The following GABBR2 variants were observed in gnomAD, a reference collection of about 807,000 sequenced individuals.
GABBR2 encodes the protein gamma-aminobutyric acid type B receptor subunit 2, also known as G-protein coupled receptor 51.
In GABBR2, 23 loss-of-function variants were observed where a neutral mutation model predicts 105.6. That is an observed-to-expected ratio of 0.22 (90% CI 0.16 to 0.31). The LOEUF (loss-of-function observed/expected upper bound fraction) is 0.31, where lower values mean the gene tolerates loss of function less well. Ranked by LOEUF, GABBR2 falls within the 10% of genes least tolerant of loss-of-function variation. The pLI, the probability that GABBR2 is intolerant of heterozygous loss-of-function variation, is 1.00. For synonymous variants in GABBR2, 478 were observed against 499.7 expected, an observed-to-expected ratio of 0.96 and a Z score of 0.58; for missense variants, 734 against 1,245.5, an observed-to-expected ratio of 0.59 and a Z score of 6.18.
Position 98,596,678 on chromosome 9 carries a change from G to A in GABBR2, c.322-18606C>T, listed in dbSNP as rs573724051. On this transcript the variant is annotated intron_variant, in intron 1 of 18. Transcript: ENST00000259455. ...ATTTCTCACTATTTTGGGCCAATCT[G>A]TTGACATGACAACCAGGCTTTTAGA... Among the ~76,000 whole-genome samples the A allele has an allele frequency of 1.6e-4, 25 of 152,276 alleles. No homozygotes were observed. The East Asian group carries it at 4.8e-3, about 29-fold the overall frequency.
chr9:98,617,203 A>G (rs1006625286), intron 1 of GABBR2, among the ~76,000 whole-genome samples: 4 of 152,226 alleles, frequency 2.6e-5, no homozygotes, highest in African/African-American at 7.2e-5. Flanking sequence ...ATGTTAAACT[A>G]TGCCACAAAC....
chr9:98,439,938 G>C (rs1826001357), intron 7 of GABBR2, among the ~76,000 whole-genome samples: 1 of 152,186 alleles, frequency 6.6e-6, no homozygotes, highest in South Asian at 2.1e-4. Flanking sequence ...GGTAACTGGG[G>C]GGCTTGCCCA....
chr9:98,327,278 A>G (rs550247969), intron 13 of GABBR2, among the ~76,000 whole-genome samples: 17 of 152,226 alleles, frequency 1.1e-4, no homozygotes, highest in Admixed American at 2.6e-4. Context: ...GGCTTCCTCA[A>G]ACCTCTGCCT....
intron 3 of GABBR2, among the ~76,000 whole-genome samples, chr9:98,519,530 G>A (rs947341846): frequency 7.9e-5 from 12 of 152,334 alleles, no homozygotes; most frequent in Middle Eastern, 3.4e-3. Flanking sequence ...CACTCCTTGC[G>A]GGCATGGGTG....
chr9:98,455,951 T>A (rs1402065821), intron 6 of GABBR2, among the ~76,000 whole-genome samples: 1 of 152,152 alleles, frequency 6.6e-6, no homozygotes, highest in African/African-American at 2.4e-5. Flanking sequence ...GCAGCTTTCC[T>A]TGGAAATGCA....
At chr9:98,422,832 A>G (rs945054650) in intron 7 of GABBR2, among the ~76,000 whole-genome samples, 3 of 145,992 alleles carry the variant, frequency 2.1e-5, no homozygotes, top group Non-Finnish European at 4.4e-5. Flanking sequence ...TCACTGTTCA[A>G]TTCCCATCTA....
intron 13 of GABBR2, among the ~76,000 whole-genome samples, chr9:98,317,217 G>A (rs115785098): frequency 2.0e-5 from 3 of 152,338 alleles, no homozygotes; most frequent in South Asian, 2.1e-4. Context: ...AGGCCACACC[G>A]GTTTGGGACG....
intron 7 of GABBR2, among the ~76,000 whole-genome samples, chr9:98,446,581 T>G (rs1268819717): frequency 6.6e-6 from 1 of 151,964 alleles, no homozygotes; most frequent in Non-Finnish European, 1.5e-5. Flanking sequence ...GAGATTAGAG[T>G]CTCAAATCAG....
intron 7 of GABBR2, among the ~76,000 whole-genome samples, chr9:98,412,798 C>T (rs565543722): frequency 2.0e-5 from 3 of 152,170 alleles, no homozygotes; most frequent in Admixed American, 6.5e-5. Flanking sequence ...ACCCCCATTC[C>T]GGAGAGAGCC....
intron 1 of GABBR2, among the ~76,000 whole-genome samples, chr9:98,657,198 T>C (rs1207511688): frequency 6.6e-6 from 1 of 152,238 alleles, no homozygotes; most frequent in African/African-American, 2.4e-5. Context: ...GCCCCATCTT[T>C]AGGGCTTTAC....
chr9:98,330,127 A>G (rs1215823224), intron 13 of GABBR2, among the ~76,000 whole-genome samples: 1 of 152,126 alleles, frequency 6.6e-6, no homozygotes, highest in Non-Finnish European at 1.5e-5. Context: ...CCAGCCCTGC[A>G]TCTACTTTCT....
chr9:98,395,654 A>G (rs1479679546), intron 8 of GABBR2, among the ~76,000 whole-genome samples: 6 of 152,150 alleles, frequency 3.9e-5, no homozygotes, highest in Non-Finnish European at 8.8e-5. Flanking sequence ...CACCTTCACC[A>G]TGGAGCTGGC....
intron 10 of GABBR2, 31 bp from the exon 11 acceptor site, chr9:98,385,803 A>G (rs777165523): frequency 6.3e-7 from 1 of 1,579,984 alleles, no homozygotes; most frequent in East Asian, 2.2e-5. Context: ...TAGATTTAAC[A>G]GAATGGTTAA....
At chr9:98,619,865 G>A (rs1452042524) in intron 1 of GABBR2, among the ~76,000 whole-genome samples, 1 of 152,180 alleles carries the variant, frequency 6.6e-6, no homozygotes, top group Admixed American at 6.5e-5. Context: ...GGGGAGAAAG[G>A]AGGGTTCATC....
At chr9:98,672,235 C>T (rs1376898258) in intron 1 of GABBR2, among the ~76,000 whole-genome samples, 4 of 152,120 alleles carry the variant, frequency 2.6e-5, no homozygotes, top group Admixed American at 6.6e-5. Flanking sequence ...CCAGCCCTGG[C>T]GACCACCATT....
At chr9:98,651,259 T>G (rs1036720554) in intron 1 of GABBR2, among the ~76,000 whole-genome samples, 1 of 151,566 alleles carries the variant, frequency 6.6e-6, no homozygotes, top group African/African-American at 2.4e-5. Context: ...TTCTCCTGTC[T>G]CAGCCTCTTG....
intron 1 of GABBR2, among the ~76,000 whole-genome samples, chr9:98,605,980 C>T (rs1285158767): frequency 6.6e-6 from 1 of 152,028 alleles, no homozygotes; most frequent in Admixed American, 6.5e-5. Flanking sequence ...TGTGTCCAAG[C>T]ATTCTCATTG....
intron 13 of GABBR2, among the ~76,000 whole-genome samples, chr9:98,315,323 G>C (rs1239318680): frequency 6.6e-6 from 1 of 152,140 alleles, no homozygotes; most frequent in African/African-American, 2.4e-5. Flanking sequence ...CCCATATTCA[G>C]GTGCTGATCC....
At chr9:98,366,290 T>A (rs969649288) in intron 12 of GABBR2, among the ~76,000 whole-genome samples, 1 of 152,244 alleles carries the variant, frequency 6.6e-6, no homozygotes, top group African/African-American at 2.4e-5. Context: ...TGGCCCACCA[T>A]CTATTTTTGC....
Sources: gnomAD v4.1 joint callset for allele counts (sites outside exome capture counted in the v4.1 genomes callset) on GRCh38, gnomAD v4.1.1 for gene constraint, MANE v1.5 for transcripts, NCBI Gene and HGNC (gene_info 2026-07-23, HGNC 2026-07-21) for gene names.